The following CACNA2D3 variants were observed in gnomAD, a reference collection of about 807,000 sequenced individuals.
CACNA2D3 encodes calcium voltage-gated channel auxiliary subunit alpha2delta 3, also known as voltage-dependent calcium channel subunit alpha-2/delta-3.
Under a neutral mutation model 160.6 loss-of-function variants are expected in CACNA2D3, and 60 were observed. That is an observed-to-expected ratio of 0.37 (90% CI 0.30 to 0.46). The LOEUF is 0.46. CACNA2D3 is among the 20% of genes least tolerant of loss of function. CACNA2D3 has a pLI of 1.00. For missense variants in CACNA2D3, 1,205 were observed against 1,365.0 expected (o/e 0.88, Z 1.85); for synonymous variants, 558 against 492.9 (o/e 1.13, Z -1.75).
intron 9 of CACNA2D3, among the ~76,000 whole-genome samples, chr3:54,616,190 G>C (rs1698846193): frequency 6.6e-6 from 1 of 152,222 alleles, no homozygotes. Context: ...TGACTGGGTT[G>C]TTCTGGCTCA....
At chr3:55,005,632 C>A (rs1703078587) in intron 32 of CACNA2D3, among the ~76,000 whole-genome samples, 1 of 152,150 alleles carries the variant, frequency 6.6e-6, no homozygotes, top group African/African-American at 2.4e-5. Context: ...GAGGATCAAT[C>A]AGCATAGCTA....
At chr3:54,125,355 T>G (rs538275522) in intron 2 of CACNA2D3, among the ~76,000 whole-genome samples, 1 of 152,334 alleles carries the variant, frequency 6.6e-6, no homozygotes, top group South Asian at 2.1e-4. Flanking sequence ...TCTTACCTTC[T>G]CATCAGCATC....
At chr3:54,991,751 G>A (rs992087959) in intron 31 of CACNA2D3, among the ~76,000 whole-genome samples, 2 of 152,160 alleles carry the variant, frequency 1.3e-5, no homozygotes, top group East Asian at 3.9e-4. Context: ...TGTGGCCATG[G>A]ACGGTGTCGT....
chr3:54,421,042 A>G (rs1699829122), intron 4 of CACNA2D3, among the ~76,000 whole-genome samples: 1 of 152,102 alleles, frequency 6.6e-6, no homozygotes, highest in Non-Finnish European at 1.5e-5. Flanking sequence ...TATCAATGCT[A>G]TTGCATCTGT....
intron 17 of CACNA2D3, among the ~76,000 whole-genome samples, 200 bp downstream of exon 17, chr3:54,846,667 C>G (rs976227077): frequency 1.3e-5 from 2 of 151,922 alleles, no homozygotes; most frequent in African/African-American, 4.8e-5. Context: ...ATATATTTAC[C>G]ATTATGATTT....
chr3:54,809,489 T>C (rs1194308015), intron 13 of CACNA2D3, among the ~76,000 whole-genome samples: 3 of 142,684 alleles, frequency 2.1e-5, no homozygotes, highest in African/African-American at 8.5e-5. Flanking sequence ...CGGCTAATTT[T>C]TTGTATTTTT....
intron 5 of CACNA2D3, among the ~76,000 whole-genome samples, chr3:54,522,614 C>G (rs983336779): frequency 6.6e-6 from 1 of 152,036 alleles, no homozygotes; most frequent in South Asian, 2.1e-4. Flanking sequence ...CTGGGAAGTC[C>G]AAGATCATGT....
chr3:54,896,988 C>G lies in CACNA2D3; in HGVS notation c.2368+118C>G, dbSNP rs1700205682. 3 of 1,312,582 alleles carry G rather than the reference C, an allele frequency of 2.3e-6. No homozygotes were observed. In the Admixed American group the frequency reaches 5.4e-5, roughly 24 times the overall value. 81.3% of individuals were successfully genotyped at this position (1,312,582 alleles called of 1,614,324 possible). A position where few individuals can be genotyped will look rare whatever the true frequency, so the allele number is the denominator to read the frequency against. On this transcript the variant is annotated intron_variant, in intron 26 of 37. Transcript: ENST00000474759. ...AAGGAACCAAGTTCAACCCTCAGAG[C>G]CAGTGCTGAATATTGGGTCAGCCCT... is the stretch of plus-strand genomic sequence containing the variant.
chr3:54,486,368 GAAAAAC>G (rs1701015398), intron 4 of CACNA2D3, among the ~76,000 whole-genome samples: 1 of 152,122 alleles, frequency 6.6e-6, no homozygotes, highest in South Asian at 2.1e-4. Flanking sequence ...TCTCCTGGGA[GAAAAAC>G]TGAGATTCAG....
intron 13 of CACNA2D3, among the ~76,000 whole-genome samples, chr3:54,786,443 C>T (rs953816256): frequency 1.3e-5 from 2 of 152,172 alleles, no homozygotes; most frequent in Non-Finnish European, 2.9e-5. Flanking sequence ...ACTGCCTCTT[C>T]TGGAGTCCCC....
chr3:54,552,024 A>C (rs906501062), intron 5 of CACNA2D3, among the ~76,000 whole-genome samples: 1 of 152,234 alleles, frequency 6.6e-6, no homozygotes, highest in Non-Finnish European at 1.5e-5. Context: ...TTTTAGAATC[A>C]GAAGCCTCTT....
intron 3 of CACNA2D3, among the ~76,000 whole-genome samples, chr3:54,363,773 G>A (rs1207755816): frequency 2.6e-5 from 4 of 152,184 alleles, no homozygotes; most frequent in African/African-American, 9.7e-5. Context: ...AATGAGGATT[G>A]GATGGTGAAG....
chr3:54,959,436 G>T (rs966369682), intron 27 of CACNA2D3, among the ~76,000 whole-genome samples: 1 of 152,188 alleles, frequency 6.6e-6, no homozygotes, highest in African/African-American at 2.4e-5. Flanking sequence ...GACTGCCCAC[G>T]TGGAGATTTT....
rs904989720 is a variant in CACNA2D3 at position 54,874,530 on chromosome 3, T to G, written c.1710+2908T>G. ...AAGCTTTCCACATTGAATGTGATTA[T>G]TAATAGAAAAAAACTCATAAAAATA... On this transcript the variant is annotated intron_variant, in intron 18 of 37. Coordinates refer to ENST00000474759, the MANE Select transcript of CACNA2D3 (RefSeq NM_018398.3). 2.6e-5 allele frequency: 4 copies of G among 152,226 alleles called. No homozygotes were observed. The South Asian group carries it at 6.2e-4, about 24-fold the overall frequency. The allele number at this position is 152,226 out of a possible 1,614,324, so 9.4% of individuals were successfully genotyped here.
At position 54,946,835 on chromosome 3, in the gene CACNA2D3, T is replaced by C. The variant is rs557251110; in HGVS notation, c.2450-21615T>C. Among the ~76,000 whole-genome samples, 29 of 148,532 alleles carry C rather than the reference T, an allele frequency of 2.0e-4. 1 individual carries two copies. In the East Asian group the frequency reaches 5.5e-3, roughly 28 times the overall value. On this transcript the variant is annotated intron_variant, in intron 27 of 37. Coordinates refer to ENST00000474759, the MANE Select transcript of CACNA2D3 (RefSeq NM_018398.3). Reference sequence around the variant, plus strand: ...GGTTTATTAAAAAAAAAAAAAATGATGGGACCATTTAGTCCCTGACTGAGA... The same window carrying C: ...GGTTTATTAAAAAAAAAAAAAATGACGGGACCATTTAGTCCCTGACTGAGA...
At chr3:54,190,521 C>T (rs1252013692) in intron 2 of CACNA2D3, among the ~76,000 whole-genome samples, 2 of 152,184 alleles carry the variant, frequency 1.3e-5, no homozygotes, top group African/African-American at 4.8e-5. Flanking sequence ...AACCTTACAT[C>T]ATTGTACGTT....
chr3:54,799,560 C>G (rs1270032453), intron 13 of CACNA2D3, among the ~76,000 whole-genome samples: 3 of 152,198 alleles, frequency 2.0e-5, no homozygotes, highest in African/African-American at 7.2e-5. Flanking sequence ...TTGAAGACAT[C>G]TGTTGAGTGC....
At chr3:54,724,483 C>T in intron 11 of CACNA2D3, among the ~76,000 whole-genome samples, 2 of 152,154 alleles carry the variant, frequency 1.3e-5, no homozygotes, top group Non-Finnish European at 2.9e-5. Context: ...CAGCGCCTCA[C>T]TGCACTTATT....
At chr3:54,955,886 TAAC>T (rs1701877399) in intron 27 of CACNA2D3, among the ~76,000 whole-genome samples, 1 of 152,110 alleles carries the variant, frequency 6.6e-6, no homozygotes, top group African/African-American at 2.4e-5. Flanking sequence ...AGCAGTGGCT[TAAC>T]AACAGAAGAT....
Sources: allele counts gnomAD v4.1 joint callset (sites outside exome capture counted in the v4.1 genomes callset), GRCh38; gene constraint gnomAD v4.1.1; transcripts MANE v1.5; gene names NCBI Gene and HGNC (gene_info 2026-07-23, HGNC 2026-07-21).